The following ZNF804B variants were observed in gnomAD, a reference collection of about 807,000 sequenced individuals.
ZNF804B encodes zinc finger 804B.
ZNF804B carries 80 observed loss-of-function variants against 101.4 expected under a neutral mutation model. The ratio of observed to expected loss-of-function variants is 0.79; its 90% CI spans 0.66 to 0.95. ZNF804B has a LOEUF of 0.95. Ranked by LOEUF, ZNF804B falls within the 40% of genes least tolerant of loss-of-function variation. ZNF804B has a pLI of 0.00. For synonymous variants in ZNF804B, 622 were observed against 558.8 expected (o/e 1.11, Z -1.59); for missense variants, 1,673 against 1,561.9 (o/e 1.07, Z -1.20).
chr7:89,007,444 T>TATA (rs1788382002), intron 1 of ZNF804B, among the ~76,000 whole-genome samples: 1 of 47,712 alleles, frequency 2.1e-5, no homozygotes, highest in African/African-American at 1.0e-4. Flanking sequence ...TTATCCATGA[T>TATA]TTTATATATA....
rs533607103 is a variant in ZNF804B, at chr7:89,238,321, T to G, written c.249+20026T>G. 5.3e-5 allele frequency among the ~76,000 whole-genome samples: 8 copies of G among 152,286 alleles called. No homozygotes were observed. In the South Asian group the frequency reaches 1.7e-3, roughly 32 times the overall value. The stretch of plus-strand genomic sequence containing the variant: ...CCTAAATTTATGAAACTACATCTGA[T>G]GAACATCATCCCTAAATTCATGAAA... On this transcript the variant is annotated intron_variant, in intron 2 of 3. Coordinates refer to ENST00000333190, the MANE Select transcript of ZNF804B (RefSeq NM_181646.5).
intron 3 of ZNF804B, among the ~76,000 whole-genome samples, chr7:89,329,935 T>G (rs1449627996): frequency 6.6e-6 from 1 of 151,672 alleles, no homozygotes; most frequent in African/African-American, 2.4e-5. Context: ...TGATATGTTT[T>G]TCTTTCTGTT....
In ZNF804B at chr7:88,762,274, TC is replaced by T. The variant is rs1789909201; in HGVS notation, c.108+2191del. ...TTATTATGGAATTTGCATGGCTTTT[TC>T]AATATTTGAATAGTTTCTCATGTGA... On this transcript the variant is annotated intron_variant, in intron 1 of 3. Transcript: ENST00000333190. Among the ~76,000 whole-genome samples, 3 of 152,366 alleles carry T rather than the reference TC, an allele frequency of 2.0e-5. No individual in the cohort carries two copies. The East Asian group carries it at 5.8e-4, about 29-fold the overall frequency.
intron 1 of ZNF804B, among the ~76,000 whole-genome samples, chr7:88,828,361 G>A (rs1791078561): frequency 6.6e-6 from 1 of 151,896 alleles, no homozygotes; most frequent in Non-Finnish European, 1.5e-5. Context: ...AGGCCTTTCT[G>A]GTTTCTATGA....
chr7:88,976,904 T>A (rs10225850), intron 1 of ZNF804B, among the ~76,000 whole-genome samples: 2 of 151,498 alleles, frequency 1.3e-5, no homozygotes, highest in Admixed American at 6.6e-5. Flanking sequence ...GTGTGGTATG[T>A]TCTTTCTATA....
At chr7:88,819,488 G>T (rs897174318) in intron 1 of ZNF804B, among the ~76,000 whole-genome samples, 2 of 152,150 alleles carry the variant, frequency 1.3e-5, no homozygotes, top group South Asian at 4.1e-4. Context: ...TGAAGAGGGG[G>T]TTACCTGAGG....
intron 2 of ZNF804B, among the ~76,000 whole-genome samples, chr7:89,241,788 G>A (rs183699065): frequency 1.4e-3 from 195 of 141,926 alleles, no homozygotes; most frequent in Middle Eastern, 0.011. Flanking sequence ...ACATTTTCAC[G>A]CAGTGAGAAT....
At chr7:89,089,183 T>A (rs561195095) in intron 1 of ZNF804B, among the ~76,000 whole-genome samples, 1 of 152,018 alleles carries the variant, frequency 6.6e-6, no homozygotes, top group African/African-American at 2.4e-5. Flanking sequence ...AACTACTTTT[T>A]ATTGATTTTT....
chr7:89,174,964 T>C (rs1345157501), intron 1 of ZNF804B, among the ~76,000 whole-genome samples: 1 of 152,088 alleles, frequency 6.6e-6, no homozygotes, highest in Non-Finnish European at 1.5e-5. Context: ...TTGAGTTGTT[T>C]GAGCTCCTTA....
intron 1 of ZNF804B, among the ~76,000 whole-genome samples, chr7:88,893,323 C>T (rs1369224943): frequency 6.6e-6 from 1 of 151,986 alleles, no homozygotes; most frequent in Non-Finnish European, 1.5e-5. Context: ...ACATACTTAT[C>T]TGAACATCTA....
intron 1 of ZNF804B, among the ~76,000 whole-genome samples, chr7:88,838,028 T>A (rs1396286198): frequency 6.6e-6 from 1 of 151,806 alleles, no homozygotes; most frequent in African/African-American, 2.4e-5. Flanking sequence ...CTGATAAATA[T>A]AACTGACTTA....
intron 1 of ZNF804B, among the ~76,000 whole-genome samples, chr7:89,199,027 G>T (rs561112420): frequency 2.7e-4 from 41 of 151,984 alleles, no homozygotes; most frequent in African/African-American, 9.4e-4. Flanking sequence ...TTAAGTGTCT[G>T]GCTGAGGCTT....
intron 2 of ZNF804B, among the ~76,000 whole-genome samples, chr7:89,287,619 C>G (rs1307675537): frequency 1.3e-5 from 2 of 152,102 alleles, no homozygotes; most frequent in Non-Finnish European, 2.9e-5. Flanking sequence ...AGATATTTCC[C>G]TCAGGCCTTG....
chr7:88,763,212 T>C (rs1789925093), intron 1 of ZNF804B, among the ~76,000 whole-genome samples: 1 of 152,124 alleles, frequency 6.6e-6, no homozygotes, highest in Admixed American at 6.5e-5. Context: ...AATTTTAAGC[T>C]AAAAGTAAAA....
chr7:89,091,540 G>A (rs1465545770), intron 1 of ZNF804B, among the ~76,000 whole-genome samples: 1 of 152,098 alleles, frequency 6.6e-6, no homozygotes, highest in Non-Finnish European at 1.5e-5. Flanking sequence ...GTGTGCAAAA[G>A]GGAATGAAAG....
chr7:88,911,459 T>C (rs1792549425), intron 1 of ZNF804B, among the ~76,000 whole-genome samples: 1 of 148,406 alleles, frequency 6.7e-6, no homozygotes, highest in Non-Finnish European at 1.5e-5. Context: ...GATTTATATA[T>C]ATTTATATTA....
chr7:89,011,239 A>G (rs1219075135), intron 1 of ZNF804B, among the ~76,000 whole-genome samples: 1 of 152,170 alleles, frequency 6.6e-6, no homozygotes, highest in African/African-American at 2.4e-5. Flanking sequence ...AACCCTTCCC[A>G]TGATCCAATT....
chr7:88,790,980 ATT>A (rs1159005277), intron 1 of ZNF804B, among the ~76,000 whole-genome samples: 3 of 152,092 alleles, frequency 2.0e-5, no homozygotes, highest in Non-Finnish European at 2.9e-5. Flanking sequence ...TCAATAACTC[ATT>A]TGTTACTGAA....
intron 1 of ZNF804B, among the ~76,000 whole-genome samples, chr7:88,897,623 A>G (rs1488220712): frequency 1.3e-5 from 2 of 152,184 alleles, no homozygotes; most frequent in African/African-American, 4.8e-5. Context: ...GGATTCCTCA[A>G]TTTACAGATA....
Sources: allele counts gnomAD v4.1 joint callset (sites outside exome capture counted in the v4.1 genomes callset), GRCh38; gene constraint gnomAD v4.1.1; transcripts MANE v1.5; gene names NCBI Gene and HGNC (gene_info 2026-07-23, HGNC 2026-07-21).